Variants in SCN9A observed in about 807,000 individuals in gnomAD.
The protein encoded by SCN9A is sodium voltage-gated channel alpha subunit 9, also known as sodium channel protein type 9 subunit alpha.
Under a neutral mutation model 187.0 loss-of-function variants are expected in SCN9A, and 131 were observed. That is an observed-to-expected ratio of 0.70 (90% CI 0.61 to 0.81). The LOEUF is 0.81. Among genes scored for constraint, SCN9A ranks in the 30% least tolerant of loss-of-function variants. The pLI is 0.00. For synonymous variants in SCN9A, 809 were observed against 808.6 expected (o/e 1.00, Z -0.01); for missense variants, 2,252 against 2,396.6 (o/e 0.94, Z 1.26).
rs780997397 is a variant in SCN9A, at chr2:166,280,602, G to GA, written c.2105-8dup. 1.2e-5 allele frequency: 18 copies of GA among 1,503,200 alleles called. No individual in the cohort carries two copies. The highest frequency in any genetic ancestry group is 7.1e-5 in the East Asian group (3 of 42,104). 93.1% of individuals were successfully genotyped at this position (1,503,200 alleles called of 1,614,324 possible). On this transcript the variant is annotated splice_polypyrimidine_tract_variant and splice_region_variant and intron_variant, in intron 13 of 26. Transcript: ENST00000642356. ...TGTCTGGACTCTTCAAGTTCTGGGA[G>GA]AAAAAAGCAGAGAACATGGAGTCAG...
At chr2:166,214,389 A>T (rs1694229010) in intron 24 of SCN9A, among the ~76,000 whole-genome samples, 1 of 152,120 alleles carries the variant, frequency 6.6e-6, no homozygotes, top group Non-Finnish European at 1.5e-5. Context: ...CAGTACTTGG[A>T]AATCTACATA....
chr2:166,340,359 T>C (rs528461391), intron 1 of SCN9A, among the ~76,000 whole-genome samples: 69 of 152,328 alleles, frequency 4.5e-4, no homozygotes, highest in African/African-American at 1.4e-3. Flanking sequence ...AAACTACTTT[T>C]CACTCAGTTT....
chr2:166,284,445 G>C lies in SCN9A; in HGVS notation c.1974+8C>G, dbSNP rs7608201. 2 of 1,600,808 alleles carry C rather than the reference G, an allele frequency of 1.2e-6. No homozygotes were observed. Among genetic ancestry groups the C allele is most frequent in the Non-Finnish European group, 8.5e-7 (1 of 1,173,788 alleles). On this transcript the variant is annotated splice_region_variant and intron_variant, in intron 12 of 26. Transcript: ENST00000642356. Reference sequence around the variant, plus strand: ...CAGCCATGCCTGAGCTATGTAAAACGTCCTTACGCTGTCATCAGAAGTTGC... The same window carrying C: ...CAGCCATGCCTGAGCTATGTAAAACCTCCTTACGCTGTCATCAGAAGTTGC...
chr2:166,242,966 T>G (rs552481342), intron 18 of SCN9A, among the ~76,000 whole-genome samples: 1 of 152,242 alleles, frequency 6.6e-6, no homozygotes, highest in East Asian at 1.9e-4. Flanking sequence ...AATGAATGAA[T>G]GAACTAAAAT....
intron 1 of SCN9A, among the ~76,000 whole-genome samples, chr2:166,351,587 G>A (rs1176897869): frequency 6.6e-6 from 1 of 152,170 alleles, no homozygotes; most frequent in Non-Finnish European, 1.5e-5. Context: ...TCCTGACTTT[G>A]TGGTTTCAGA....
chr2:166,283,251 A>G (rs868113955), intron 12 of SCN9A, among the ~76,000 whole-genome samples: 1 of 152,190 alleles, frequency 6.6e-6, no homozygotes, highest in African/African-American at 2.4e-5. Context: ...ATGCTCATTC[A>G]ATAATGAAAA....
chr2:166,196,324 A>G lies in SCN9A; in HGVS notation c.*2348T>C, dbSNP rs1693246540. The G allele has an allele frequency of 6.6e-6, 1 of 152,152 alleles. No individual in the cohort carries two copies. 9.4% of individuals were successfully genotyped at this position (152,152 alleles called of 1,614,324 possible). The stretch of plus-strand genomic sequence containing the variant: ...AGTCACAAGTAGACATTCCTGAAAC[A>G]AACGTAAATATATATAAAACTTAAC... On this transcript the variant is annotated 3_prime_UTR_variant, in exon 27 of 27. Transcript: ENST00000642356.
At chr2:166,364,302 C>T (rs905954397) in intron 1 of SCN9A, among the ~76,000 whole-genome samples, 5 of 152,092 alleles carry the variant, frequency 3.3e-5, no homozygotes, top group African/African-American at 4.8e-5. Context: ...AGAAATATCA[C>T]ATGATCCAGC....
chr2:166,318,754 G>A (rs1699169569), intron 1 of SCN9A, among the ~76,000 whole-genome samples: 1 of 152,074 alleles, frequency 6.6e-6, no homozygotes. Flanking sequence ...GCATTCTCAG[G>A]TGCTAGAAAC....
chr2:166,363,473 A>G (rs1165673890), intron 1 of SCN9A, among the ~76,000 whole-genome samples: 1 of 152,052 alleles, frequency 6.6e-6, no homozygotes, highest in Non-Finnish European at 1.5e-5. Flanking sequence ...CCCATCAGGA[A>G]TTCTCCTAAA....
At chr2:166,205,414 G>C (rs141790980) in intron 24 of SCN9A, among the ~76,000 whole-genome samples, 2,721 of 152,266 alleles carry the variant, frequency 0.018, 39 homozygotes, top group Non-Finnish European at 0.028. Flanking sequence ...AACGGGGAAA[G>C]GCTTCCCTAT....
chr2:166,255,726 G>A (rs1696241859), intron 17 of SCN9A, among the ~76,000 whole-genome samples: 1 of 151,410 alleles, frequency 6.6e-6, no homozygotes, highest in Admixed American at 6.6e-5. Flanking sequence ...GCAGAGCCTA[G>A]AATGGTTATT....
intron 24 of SCN9A, among the ~76,000 whole-genome samples, chr2:166,214,671 C>T (rs949292832): frequency 4.0e-5 from 6 of 150,110 alleles, no homozygotes; most frequent in African/African-American, 7.4e-5. Context: ...CCCGCTACCA[C>T]GCCCGGCTAA....
At chr2:166,365,824 C>T (rs1002377615) in intron 1 of SCN9A, among the ~76,000 whole-genome samples, 2 of 151,988 alleles carry the variant, frequency 1.3e-5, no homozygotes, top group African/African-American at 4.8e-5. Context: ...TGGATAGTGG[C>T]GAATATTTAT....
intron 18 of SCN9A, among the ~76,000 whole-genome samples, chr2:166,243,305 A>C (rs930521113): frequency 1.3e-5 from 2 of 152,074 alleles, no homozygotes; most frequent in Non-Finnish European, 2.9e-5. Flanking sequence ...TCTTTTGTCC[A>C]TCAAACCCTT....
chr2:166,361,476 A>G (rs1483229790), intron 1 of SCN9A, among the ~76,000 whole-genome samples: 2 of 152,098 alleles, frequency 1.3e-5, no homozygotes, highest in Non-Finnish European at 2.9e-5. Context: ...AGTCCTGCCA[A>G]TACAAAGTTC....
At chr2:166,322,584 T>C (rs1699271164) in intron 1 of SCN9A, among the ~76,000 whole-genome samples, 1 of 152,180 alleles carries the variant, frequency 6.6e-6, no homozygotes, top group African/African-American at 2.4e-5. Context: ...CACGTATTCA[T>C]GGAGCTCATA....
chr2:166,229,022 A>G, intron 21 of SCN9A, 50 bp from the exon 22 acceptor site: 2 of 1,414,572 alleles, frequency 1.4e-6, no homozygotes, highest in Non-Finnish European at 2.0e-6. Flanking sequence ...AAGATGTTAA[A>G]TAGGCAACAT....
At chr2:166,306,041 G>A (rs1204032452) in intron 4 of SCN9A, 121 bp from the exon 5 acceptor site, 15 of 1,122,318 alleles carry the variant, frequency 1.3e-5, no homozygotes, top group Middle Eastern at 5.2e-4. Context: ...TGGCTGTTGG[G>A]TTATGGACAC....
Sources: allele counts gnomAD v4.1 joint callset (sites outside exome capture counted in the v4.1 genomes callset), GRCh38; gene constraint gnomAD v4.1.1; transcripts MANE v1.5; gene names NCBI Gene and HGNC (gene_info 2026-07-23, HGNC 2026-07-21).